Variants in RAB3GAP1 observed in about 807,000 individuals in gnomAD.
RAB3GAP1 encodes the protein RAB3 GTPase activating protein catalytic subunit 1, also known as rab3 GTPase-activating protein catalytic subunit.
RAB3GAP1 carries 86 observed loss-of-function variants against 130.7 expected under a neutral mutation model. The ratio of observed to expected loss-of-function variants is 0.66; its 90% CI spans 0.55 to 0.79. The LOEUF is 0.79. Ranked by LOEUF, RAB3GAP1 falls within the 30% of genes least tolerant of loss-of-function variation. The pLI is 0.00. For missense variants in RAB3GAP1, 1,029 were observed against 1,169.4 expected, an observed-to-expected ratio of 0.88 and a Z score of 1.75; for synonymous variants, 367 against 401.7, an observed-to-expected ratio of 0.91 and a Z score of 1.03.
rs568327361 is a variant in RAB3GAP1 at position 135,153,890 on chromosome 2, G to C, written c.2289+14G>C. 8 of 1,605,256 alleles carry C rather than the reference G, an allele frequency of 5.0e-6. No individual in the cohort carries two copies. In the South Asian group the frequency reaches 8.8e-5, roughly 18 times the overall value. ...GAAGCAGAAAAGGTAATTGAGGTTT[G>C]AGTCTCTAATACTAGAATGCAAATT... On this transcript the variant is annotated intron_variant, in intron 19 of 23. Transcript: ENST00000264158.
rs753663143 is a variant in RAB3GAP1 at position 135,138,180 on chromosome 2, C to T, written c.1923+2248C>T. Among the ~76,000 whole-genome samples the T allele has an allele frequency of 5.9e-5, 9 of 151,530 alleles. No homozygotes were observed. The East Asian group carries it at 7.8e-4, about 13-fold the overall frequency. ...TCTAGTAAAAATGAAAGAGGCTCAA[C>T]GCCTGTAATCCCAACACTTTGGGAG... On this transcript the variant is annotated intron_variant, in intron 17 of 23. Transcript: ENST00000264158.
At chr2:135,148,028 A>G (rs1390430460) in intron 17 of RAB3GAP1, among the ~76,000 whole-genome samples, 1 of 152,138 alleles carries the variant, frequency 6.6e-6, no homozygotes, top group African/African-American at 2.4e-5. Flanking sequence ...TCACATTTGA[A>G]TTTATAGTCT....
At chr2:135,131,402 A>T (rs375240869) in intron 13 of RAB3GAP1, among the ~76,000 whole-genome samples, 11 of 149,356 alleles carry the variant, frequency 7.4e-5, no homozygotes, top group Admixed American at 6.0e-4. Flanking sequence ...ATTTTTTTGT[A>T]TTTTTTTTTA....
At chr2:135,133,035 C>T (rs1691590701) in intron 14 of RAB3GAP1, 51 bp downstream of exon 14, 1 of 1,075,078 alleles carries the variant, frequency 9.3e-7, no homozygotes, top group African/African-American at 1.6e-5. Context: ...CACTGAATTT[C>T]TAGAGGTTCT....
intron 17 of RAB3GAP1, among the ~76,000 whole-genome samples, chr2:135,147,544 T>C (rs1267300984): frequency 6.6e-6 from 1 of 152,070 alleles, no homozygotes; most frequent in African/African-American, 2.4e-5. Flanking sequence ...ACACTTGGCA[T>C]GTAAGTGTTC....
chr2:135,113,742 A>T (rs972942444), intron 6 of RAB3GAP1, among the ~76,000 whole-genome samples: 25 of 144,874 alleles, frequency 1.7e-4, no homozygotes, highest in Middle Eastern at 3.6e-3. Flanking sequence ...CTCAAATAAA[A>T]TTTTTTTTTT....
chr2:135,126,163 A>G lies in RAB3GAP1; in HGVS notation c.831-18A>G. 1.9e-6 allele frequency: 3 copies of G among 1,583,478 alleles called. No individual in the cohort carries two copies. The highest frequency in any genetic ancestry group is 2.2e-5 in the East Asian group (1 of 44,588). ...TGAGTCAGTATTAAAGCTTTTGGGT[A>G]TATTTTATGTTTTTTAGTGAACTCC... On this transcript the variant is annotated intron_variant, in intron 9 of 23. Coordinates refer to ENST00000264158, the MANE Select transcript of RAB3GAP1 (RefSeq NM_012233.3).
chr2:135,102,802 T>G (rs1366946263), intron 5 of RAB3GAP1, among the ~76,000 whole-genome samples: 1 of 151,722 alleles, frequency 6.6e-6, no homozygotes, highest in Non-Finnish European at 1.5e-5. Context: ...GATCACGAGG[T>G]CAGGATTTCG....
At chr2:135,136,539 T>G (rs904526068) in intron 17 of RAB3GAP1, 1 of 197,426 alleles carries the variant, frequency 5.1e-6, no homozygotes, top group African/African-American at 2.4e-5. Context: ...GAGAAATGTT[T>G]TGAAGTTTAA....
chr2:135,162,582 C>T lies in RAB3GAP1; in HGVS notation c.2317C>T (p.Pro773Ser), dbSNP rs892701772. ...GCTGCACTATCTGGCAATCCAGAAA[C>T]CTGCAGACCTTGCTCGGCACCTGTT... ...KVLHYLAIQKPADLARHLLPC... is the reference protein window; with the variant it reads ...KVLHYLAIQKSADLARHLLPC... Residue 773 changes from proline to serine, a missense_variant, in exon 20 of 24, where the codon CCT (proline) becomes TCT (serine). Physicochemically the swap from Pro to Ser is moderately conservative, Grantham distance 74. This residue lies in a region of RAB3GAP1 where 373 missense variants were observed against 493.6 expected (regional missense o/e 0.76). Transcript: ENST00000264158. 1 of 1,613,968 alleles carries T rather than the reference C, an allele frequency of 6.2e-7. No individual in the cohort carries two copies. Among genetic ancestry groups the T allele is most frequent in the Non-Finnish European group, 8.5e-7 (1 of 1,179,938 alleles).
chr2:135,143,069 T>C (rs2104964476), intron 17 of RAB3GAP1, among the ~76,000 whole-genome samples: 1 of 152,194 alleles, frequency 6.6e-6, no homozygotes, highest in South Asian at 2.1e-4. Context: ...ATCTGAAGTT[T>C]TGTTTGTAGA....
At position 135,163,331 on chromosome 2, in the gene RAB3GAP1, C is replaced by T. The variant is rs1019128039; in HGVS notation, c.2606+230C>T. On this transcript the variant is annotated intron_variant, in intron 22 of 23. Transcript: ENST00000264158. ...ACTTTTAGAAACAGTCTCCCAGAGC[C>T]TCCTTTTCTAGGGATTCCTTGGTTT... Among the ~76,000 whole-genome samples, 11 of 152,312 alleles carry T rather than the reference C, an allele frequency of 7.2e-5. No individual in the cohort carries two copies. In the South Asian group the frequency reaches 2.3e-3, roughly 32 times the overall value.
chr2:135,110,428 C>G (rs1558780825), intron 5 of RAB3GAP1, among the ~76,000 whole-genome samples: 1 of 152,170 alleles, frequency 6.6e-6, no homozygotes, highest in Non-Finnish European at 1.5e-5. Flanking sequence ...AGCCACCACA[C>G]CTGGCAAGGT....
intron 3 of RAB3GAP1, among the ~76,000 whole-genome samples, chr2:135,078,565 A>G (rs1356381459): frequency 6.6e-6 from 1 of 151,314 alleles, no homozygotes; most frequent in Non-Finnish European, 1.5e-5. Context: ...ATTTTATTTT[A>G]ATTACTATAA....
At chr2:135,056,823 C>G (rs1321123842) in intron 2 of RAB3GAP1, among the ~76,000 whole-genome samples, 2 of 152,140 alleles carry the variant, frequency 1.3e-5, no homozygotes, top group Non-Finnish European at 2.9e-5. Flanking sequence ...TAAGAAGCCT[C>G]AGATGAATCA....
chr2:135,068,299 T>A (rs1689378300), intron 3 of RAB3GAP1, among the ~76,000 whole-genome samples: 1 of 152,178 alleles, frequency 6.6e-6, no homozygotes, highest in Non-Finnish European at 1.5e-5. Context: ...CTAATTCTTT[T>A]ATATATTTTT....
At chr2:135,146,844 A>G (rs1437765037) in intron 17 of RAB3GAP1, among the ~76,000 whole-genome samples, 2 of 151,630 alleles carry the variant, frequency 1.3e-5, no homozygotes, top group Non-Finnish European at 2.9e-5. Flanking sequence ...ATTCCCTTGC[A>G]TGGATATACA....
chr2:135,124,666 A>G (rs993464684), intron 9 of RAB3GAP1, among the ~76,000 whole-genome samples: 13 of 152,132 alleles, frequency 8.5e-5, no homozygotes, highest in African/African-American at 2.7e-4. Context: ...CTCCGTCTCA[A>G]AAAAAGAAAG....
intron 17 of RAB3GAP1, among the ~76,000 whole-genome samples, chr2:135,148,696 G>C (rs1692079033): frequency 7.3e-6 from 1 of 137,350 alleles, no homozygotes; most frequent in African/African-American, 2.8e-5. Flanking sequence ...TTTTTAAGTA[G>C]AGATGGGGTT....
Sources: gnomAD v4.1 joint callset for allele counts (sites outside exome capture counted in the v4.1 genomes callset) on GRCh38, gnomAD v4.1.1 for gene constraint, gnomAD v4.1.1 regional missense constraint, MANE v1.5 for transcripts, NCBI Gene and HGNC (gene_info 2026-07-23, HGNC 2026-07-21) for gene names.